BMERB1: variants seen among roughly 807,000 people sequenced by gnomAD.
The protein encoded by BMERB1 is bMERB domain-containing protein 1.
In BMERB1, 12 loss-of-function variants were observed where a neutral mutation model predicts 23.6. The observed-to-expected ratio is 0.51, with a 90% CI of 0.33 to 0.82. The LOEUF (loss-of-function observed/expected upper bound fraction) is 0.82, where lower values mean the gene tolerates loss of function less well. BMERB1 is among the 40% of genes least tolerant of loss of function. The pLI, the probability that BMERB1 is intolerant of heterozygous loss-of-function variation, is 0.03. For synonymous variants in BMERB1, 122 were observed against 96.6 expected (o/e 1.26, Z -1.54); for missense variants, 247 against 255.4 (o/e 0.97, Z 0.22).
At chr16:15,462,688 G>A (rs1384239605) in intron 1 of BMERB1, among the ~76,000 whole-genome samples, 1 of 152,192 alleles carries the variant, frequency 6.6e-6, no homozygotes, top group African/African-American at 2.4e-5. Flanking sequence ...GAGTCTGAGA[G>A]AAGGCTCCTG....
chr16:15,442,785 A>G (rs2050951352), intron 1 of BMERB1, among the ~76,000 whole-genome samples: 1 of 152,202 alleles, frequency 6.6e-6, no homozygotes, highest in East Asian at 1.9e-4. Context: ...AGAAGGTGGT[A>G]GGGCTGGAGC....
At chr16:15,538,180 C>G (rs1384338943) in intron 2 of BMERB1, among the ~76,000 whole-genome samples, 1 of 152,216 alleles carries the variant, frequency 6.6e-6, no homozygotes, top group East Asian at 1.9e-4. Context: ...GGGCCGGATG[C>G]GTTGGCTCAT....
chr16:15,486,275 G>A (rs916743908), intron 1 of BMERB1, among the ~76,000 whole-genome samples: 3 of 151,776 alleles, frequency 2.0e-5, no homozygotes, highest in Non-Finnish European at 4.4e-5. Flanking sequence ...GGTTCTAGGT[G>A]ACCAAAACCC....
intron 3 of BMERB1, among the ~76,000 whole-genome samples, chr16:15,569,738 G>A (rs9923514): frequency 0.11 from 16,818 of 152,090 alleles, 2,875 homozygotes; most frequent in African/African-American, 0.37. Flanking sequence ...AAAACCTAAA[G>A]AGATATCTCA....
chr16:15,532,855 T>A (rs1408258876), intron 2 of BMERB1: 5 of 377,324 alleles, frequency 1.3e-5, no homozygotes, highest in Non-Finnish European at 2.6e-5. Context: ...AGATCCCTGT[T>A]TTTTCATTAC....
In BMERB1 at chr16:15,474,954, T is replaced by C. The variant is rs918315950; in HGVS notation, c.106+40195T>C. On this transcript the variant is annotated intron_variant, in intron 1 of 5. Coordinates refer to ENST00000300006, the MANE Select transcript of BMERB1 (RefSeq NM_033201.3). ...CTACCCGCTTGGCCTCCCAAAGCAC[T>C]GGGATTTCAGGTGTGAGCCACCGCA... Among the ~76,000 whole-genome samples the C allele has an allele frequency of 3.9e-5, 6 of 152,272 alleles. No homozygotes were observed. In the South Asian group the frequency reaches 8.3e-4, roughly 21 times the overall value.
chr16:15,435,977 C>T (rs1233491869), intron 1 of BMERB1, among the ~76,000 whole-genome samples: 1 of 151,800 alleles, frequency 6.6e-6, no homozygotes, highest in Non-Finnish European at 1.5e-5. Context: ...TTCATCCTTT[C>T]AAGACCCAAT....
chr16:15,517,586 T>TA lies in BMERB1; in HGVS notation c.230+2168dup, dbSNP rs199511729. Reference sequence around the variant, plus strand: ...TAATCAAGATCAAGATCCCTTTGTTTAAAAAAAAAACTACAAAAATACAAA... The same window carrying TA: ...TAATCAAGATCAAGATCCCTTTGTTTAAAAAAAAAAACTACAAAAATACAAA... On this transcript the variant is annotated intron_variant, in intron 2 of 5. Transcript: ENST00000300006. Among the ~76,000 whole-genome samples, 468 of 149,076 alleles carry TA rather than the reference T, an allele frequency of 3.1e-3. 9 individuals carry two copies. Among genetic ancestry groups the TA allele is most frequent in the South Asian group, 0.023 (108 of 4,732 alleles).
chr16:15,519,717 G>T (rs537981248), intron 2 of BMERB1, among the ~76,000 whole-genome samples: 29 of 152,098 alleles, frequency 1.9e-4, no homozygotes, highest in Non-Finnish European at 3.2e-4. Flanking sequence ...GTCCGGGGGG[G>T]ACTGCCTGCC....
In BMERB1 at chr16:15,502,277, G is replaced by C. The variant is rs1316119247; in HGVS notation, c.107-13028G>C. ...GTGCCACTGGAGAATAACAATCATA[G>C]CCAGGATGTGAAGCCTGTCAGTTTC... On this transcript the variant is annotated intron_variant, in intron 1 of 5. Transcript: ENST00000300006. The C allele has an allele frequency of 3.9e-6, 6 of 1,551,062 alleles. No homozygotes were observed. In the Middle Eastern group the frequency reaches 5.2e-4, roughly 133 times the overall value.
chr16:15,525,418 T>C (rs540582967), intron 2 of BMERB1, among the ~76,000 whole-genome samples: 1 of 152,198 alleles, frequency 6.6e-6, no homozygotes, highest in East Asian at 1.9e-4. Context: ...TAAATCTTTT[T>C]CCAGGCCAGG....
intron 1 of BMERB1, among the ~76,000 whole-genome samples, chr16:15,446,926 A>G (rs1398827246): frequency 6.6e-6 from 1 of 152,178 alleles, no homozygotes; most frequent in Admixed American, 6.5e-5. Context: ...GTAGCTTCAC[A>G]AAGAAAGGCT....
intron 1 of BMERB1, among the ~76,000 whole-genome samples, chr16:15,445,322 A>C (rs886754033): frequency 2.0e-5 from 3 of 151,216 alleles, no homozygotes; most frequent in African/African-American, 7.4e-5. Flanking sequence ...TACATGATAC[A>C]TGTTTAGTAA....
intron 2 of BMERB1, among the ~76,000 whole-genome samples, chr16:15,529,001 A>G (rs1234631794): frequency 6.6e-6 from 1 of 151,860 alleles, no homozygotes; most frequent in African/African-American, 2.4e-5. Context: ...AGCCTCTTTT[A>G]CCATGAAAAA....
intron 3 of BMERB1, among the ~76,000 whole-genome samples, chr16:15,578,226 CT>C (rs72419431): frequency 0.082 from 9,926 of 120,956 alleles, 957 homozygotes; most frequent in African/African-American, 0.24. Context: ...CTCTTCTCCT[CT>C]TTTTTTTTTT....
intron 1 of BMERB1, among the ~76,000 whole-genome samples, chr16:15,509,900 T>C (rs1346992344): frequency 6.6e-6 from 1 of 152,118 alleles, no homozygotes; most frequent in African/African-American, 2.4e-5. Flanking sequence ...TGAGCTCACA[T>C]TGGATTAGGG....
At chr16:15,553,094 A>G (rs2030142888) in intron 2 of BMERB1, among the ~76,000 whole-genome samples, 1 of 152,126 alleles carries the variant, frequency 6.6e-6, no homozygotes, top group Admixed American at 6.5e-5. Context: ...TGAAACCTCC[A>G]TCTCCCAGGT....
At chr16:15,553,305 G>A (rs1477128133) in intron 2 of BMERB1, among the ~76,000 whole-genome samples, 2 of 152,166 alleles carry the variant, frequency 1.3e-5, no homozygotes, top group Non-Finnish European at 2.9e-5. Context: ...ACCGTGCCTG[G>A]CCCAAAACGT....
chr16:15,549,508 G>C (rs2030018866), intron 2 of BMERB1, among the ~76,000 whole-genome samples: 1 of 151,854 alleles, frequency 6.6e-6, no homozygotes, highest in Non-Finnish European at 1.5e-5. Context: ...GTGAAACCCT[G>C]TCTCTACTAA....
Sources: gnomAD v4.1 joint callset for allele counts (sites outside exome capture counted in the v4.1 genomes callset) on GRCh38, gnomAD v4.1.1 for gene constraint, MANE v1.5 for transcripts, NCBI Gene and HGNC (gene_info 2026-07-23, HGNC 2026-07-21) for gene names.